CUEDC1: variants seen among roughly 807,000 people sequenced by gnomAD.
The protein encoded by CUEDC1 is CUE domain-containing protein 1.
In CUEDC1, 30 loss-of-function variants were observed where a neutral mutation model predicts 43.7. The observed-to-expected ratio is 0.69, with a 90% CI of 0.51 to 0.93. The LOEUF is 0.93. Ranked by LOEUF, CUEDC1 falls within the 40% of genes least tolerant of loss-of-function variation. The pLI is 0.00. For synonymous variants in CUEDC1, 223 were observed against 223.6 expected (o/e 1.00, Z 0.02); for missense variants, 486 against 549.0 (o/e 0.89, Z 1.15).
chr17:57,924,594 A>G (rs2074728639), intron 1 of CUEDC1, among the ~76,000 whole-genome samples: 1 of 152,050 alleles, frequency 6.6e-6, no homozygotes, highest in Admixed American at 6.6e-5. Flanking sequence ...CTATCGATGC[A>G]CTGATGGGCA....
Position 57,885,651 on chromosome 17 carries a change from C to T in CUEDC1, c.-87G>A. ...TTCCGCCGTCAGCCGCTTACTTGCC[C>T]TGCGGTCTCGGGCAGCTCACTCCTG... On this transcript the variant is annotated 5_prime_UTR_variant, in exon 2 of 11. Transcript: ENST00000577830. The T allele has an allele frequency of 7.5e-7, 1 of 1,330,946 alleles. No individual in the cohort carries two copies. The highest frequency in any genetic ancestry group is 9.6e-7 in the Non-Finnish European group (1 of 1,046,850). The allele number at this position is 1,330,946 out of a possible 1,614,324, so 82.4% of individuals were successfully genotyped here. A position where few individuals can be genotyped will look rare whatever the true frequency, so the allele number is the denominator to read the frequency against.
At position 57,940,836 on chromosome 17, in the gene CUEDC1, G is replaced by GA. The variant is rs557917618; in HGVS notation, c.-316+14388dup. Among the ~76,000 whole-genome samples the GA allele has an allele frequency of 1.8e-3, 272 of 152,334 alleles. 2 individuals are homozygous for GA. The highest frequency in any genetic ancestry group is 6.2e-3 in the African/African-American group (258 of 41,560). On this transcript the variant is annotated intron_variant, in intron 1 of 10. Coordinates refer to ENST00000577830, the MANE Select transcript of CUEDC1 (RefSeq NM_001271875.2). ...ACCCTTAGGAAGCACCCTATCTGGT[G>GA]ACTCATAAGCCCCACTTGGGACTAA...
At chr17:57,934,219 C>T (rs1041372544) in intron 1 of CUEDC1, among the ~76,000 whole-genome samples, 1 of 152,080 alleles carries the variant, frequency 6.6e-6, no homozygotes, top group East Asian at 1.9e-4. Flanking sequence ...TGGTGAAAGC[C>T]CGTCTCTACT....
At chr17:57,871,673 C>T (rs187428107) in intron 5 of CUEDC1, among the ~76,000 whole-genome samples, 5 of 152,358 alleles carry the variant, frequency 3.3e-5, no homozygotes, top group African/African-American at 1.2e-4. Flanking sequence ...CCTGTAATTC[C>T]AGCACACTGG....
chr17:57,870,703 G>T (rs1391202955), intron 6 of CUEDC1, among the ~76,000 whole-genome samples: 2 of 150,860 alleles, frequency 1.3e-5, no homozygotes, highest in African/African-American at 2.4e-5. Context: ...TGGAGACAGG[G>T]TCTCACTCTG....
At chr17:57,887,447 T>C (rs1441523606) in intron 1 of CUEDC1, among the ~76,000 whole-genome samples, 2 of 152,102 alleles carry the variant, frequency 1.3e-5, no homozygotes, top group Non-Finnish European at 2.9e-5. Context: ...AGGTGCAAAC[T>C]TGTTTTCACT....
chr17:57,927,493 G>A (rs2074760002), intron 1 of CUEDC1, among the ~76,000 whole-genome samples: 1 of 152,144 alleles, frequency 6.6e-6, no homozygotes, highest in Non-Finnish European at 1.5e-5. Flanking sequence ...CTGGGTTGGG[G>A]CATCCAGTTT....
chr17:57,899,977 G>A (rs1464602529), intron 1 of CUEDC1, among the ~76,000 whole-genome samples: 1 of 152,058 alleles, frequency 6.6e-6, no homozygotes, highest in African/African-American at 2.4e-5. Flanking sequence ...GGGTTTTACA[G>A]CATTGGTAAG....
At chr17:57,946,559 T>G (rs2074961485) in intron 1 of CUEDC1, among the ~76,000 whole-genome samples, 1 of 152,162 alleles carries the variant, frequency 6.6e-6, no homozygotes, top group Non-Finnish European at 1.5e-5. Context: ...TGACTTTTTT[T>G]TTTTTAAAGG....
chr17:57,927,622 C>T (rs1297311014), intron 1 of CUEDC1, among the ~76,000 whole-genome samples: 2 of 152,182 alleles, frequency 1.3e-5, no homozygotes, highest in Non-Finnish European at 2.9e-5. Context: ...TGCTCCAAAG[C>T]TCCCAACCCC....
At chr17:57,868,563 G>A (rs543101963) in intron 7 of CUEDC1, 39 of 393,056 alleles carry the variant, frequency 9.9e-5, no homozygotes, top group South Asian at 8.2e-4. Flanking sequence ...ATCTTGGCTC[G>A]CTTTCCCGCC....
Position 57,885,784 on chromosome 17 carries a change from G to C in CUEDC1, c.-220C>G. 2 of 568,792 alleles carry C rather than the reference G, an allele frequency of 3.5e-6. No homozygotes were observed. The highest frequency in any genetic ancestry group is 5.2e-6 in the Non-Finnish European group (2 of 385,430). The allele number at this position is 568,792 out of a possible 1,614,324, so 35.2% of individuals were successfully genotyped here. ...CAGCCCTTGGAGAGCGGTCCTCGCG[G>C]GGCGGTGGCATGCGGGACCGGGCCG... is the stretch of plus-strand genomic sequence containing the variant. On this transcript the variant is annotated 5_prime_UTR_variant, in exon 2 of 11. Transcript: ENST00000577830.
chr17:57,880,711 G>A (rs914618673), intron 2 of CUEDC1, among the ~76,000 whole-genome samples: 2 of 152,212 alleles, frequency 1.3e-5, no homozygotes, highest in Admixed American at 6.5e-5. Context: ...CAAAGTATAT[G>A]TTCTCCTGCC....
chr17:57,915,788 G>A (rs930356396), intron 1 of CUEDC1, among the ~76,000 whole-genome samples: 1 of 152,212 alleles, frequency 6.6e-6, no homozygotes, highest in African/African-American at 2.4e-5. Context: ...CTAATAGGTT[G>A]TTAAGAGCCT....
At chr17:57,885,104 T>G in intron 2 of CUEDC1, 125 bp downstream of exon 2, 2 of 1,437,900 alleles carry the variant, frequency 1.4e-6, no homozygotes, top group Non-Finnish European at 1.8e-6. Flanking sequence ...AGAACCCAGA[T>G]AGCGGAGTAA....
chr17:57,871,112 G>T (rs918984925), intron 6 of CUEDC1, among the ~76,000 whole-genome samples, 174 bp downstream of exon 6: 3 of 152,226 alleles, frequency 2.0e-5, no homozygotes, highest in Non-Finnish European at 1.5e-5. Flanking sequence ...CTGCTAAATG[G>T]ACTGGATATG....
At chr17:57,928,202 G>T (rs773698144) in intron 1 of CUEDC1, among the ~76,000 whole-genome samples, 2 of 152,202 alleles carry the variant, frequency 1.3e-5, no homozygotes, top group Non-Finnish European at 2.9e-5. Context: ...TTTGGGAGGG[G>T]TGTCAAAGTT....
intron 1 of CUEDC1, among the ~76,000 whole-genome samples, chr17:57,902,603 A>T (rs1465724779): frequency 6.6e-6 from 1 of 152,272 alleles, no homozygotes; most frequent in African/African-American, 2.4e-5. Flanking sequence ...TGTGAATTGT[A>T]GCCAGGATCT....
At chr17:57,873,489 G>A (rs1246000584) in intron 4 of CUEDC1, 102 bp downstream of exon 4, 1 of 1,339,410 alleles carries the variant, frequency 7.5e-7, no homozygotes, top group Non-Finnish European at 1.0e-6. Flanking sequence ...CTCAGCCTGG[G>A]TTTAAACATC....
Sources: gnomAD v4.1 joint callset for allele counts (sites outside exome capture counted in the v4.1 genomes callset) on GRCh38, gnomAD v4.1.1 for gene constraint, MANE v1.5 for transcripts, NCBI Gene and HGNC (gene_info 2026-07-23, HGNC 2026-07-21) for gene names.